The following PRPSAP1 variants were observed in gnomAD, a reference collection of about 807,000 sequenced individuals.
PRPSAP1 encodes the protein phosphoribosyl pyrophosphate synthetase associated protein 1.
In PRPSAP1, 31 loss-of-function variants were observed where a neutral mutation model predicts 39.4. The observed-to-expected ratio is 0.79, with a 90% CI of 0.59 to 1.06. PRPSAP1 has a LOEUF of 1.06. Among genes scored for constraint, PRPSAP1 ranks in the 50% least tolerant of loss-of-function variants. The probability of loss-of-function intolerance (pLI) is 0.00; values close to 1 mark genes in which losing one functional copy is unlikely to be tolerated. For missense variants in PRPSAP1, 430 were observed against 511.6 expected, an observed-to-expected ratio of 0.84 and a Z score of 1.54; for synonymous variants, 212 against 192.6, an observed-to-expected ratio of 1.10 and a Z score of -0.83.
At chr17:76,328,689 T>C (rs189171018) in intron 7 of PRPSAP1, 28 bp downstream of exon 7, 88 of 1,595,346 alleles carry the variant, frequency 5.5e-5, no homozygotes, top group Admixed American at 4.1e-4. Context: ...AATTTACAAA[T>C]AAAATAAAAA....
chr17:76,348,828 G>A (rs577315820), intron 1 of PRPSAP1, among the ~76,000 whole-genome samples: 1 of 152,190 alleles, frequency 6.6e-6, no homozygotes, highest in African/African-American at 2.4e-5. Context: ...GGTGCGCGTT[G>A]TTCTTTGAAT....
intron 7 of PRPSAP1, among the ~76,000 whole-genome samples, chr17:76,323,186 AC>A (rs2071215543): frequency 6.7e-6 from 1 of 149,738 alleles, no homozygotes; most frequent in Non-Finnish European, 1.5e-5. Flanking sequence ...TATTAAAAAT[AC>A]AAAAATTAGC....
intron 3 of PRPSAP1, among the ~76,000 whole-genome samples, chr17:76,344,134 T>G (rs999994122): frequency 4.0e-5 from 6 of 151,606 alleles, no homozygotes; most frequent in African/African-American, 1.5e-4. Context: ...TTCATTTATT[T>G]TGTTTTTTTT....
chr17:76,314,213 T>TATGC (rs2071097734), intron 7 of PRPSAP1: 1 of 289,324 alleles, frequency 3.5e-6, no homozygotes, highest in African/African-American at 2.3e-5. Context: ...TGTATGTATG[T>TATGC]ATGTATGTAT....
At chr17:76,353,926 G>A (rs2071614647), upstream of PRPSAP1, 3 of 1,321,554 alleles carry the variant, frequency 2.3e-6, no homozygotes, top group Non-Finnish European at 2.9e-6. Flanking sequence ...CAAGGCCACC[G>A]CCCCCTCCGG....
rs189260351 is a variant in PRPSAP1 at position 76,348,502 on chromosome 17, T to A, written c.223+27A>T. The A allele has an allele frequency of 1.2e-3, 1,587 of 1,339,466 alleles. 3 individuals are homozygous for A. Among genetic ancestry groups the A allele is most frequent in the South Asian group, 3.5e-3 (174 of 49,872 alleles). The allele number at this position is 1,339,466 out of a possible 1,614,324, so 83.0% of individuals were successfully genotyped here. On this transcript the variant is annotated intron_variant, in intron 2 of 9. Transcript: ENST00000446526. ...AAACTAAATAAATAAAAAATAATTTTAAAAAAAAGAAATAATTTTAACTTA... is the reference window on the plus strand; with the variant it reads ...AAACTAAATAAATAAAAAATAATTTAAAAAAAAAGAAATAATTTTAACTTA...
chr17:76,327,179 C>A (rs1327898441), intron 7 of PRPSAP1, among the ~76,000 whole-genome samples: 1 of 151,124 alleles, frequency 6.6e-6, no homozygotes, highest in East Asian at 1.9e-4. Context: ...AAAACCCTGT[C>A]TCTACTAAAA....
intron 1 of PRPSAP1, among the ~76,000 whole-genome samples, chr17:76,350,538 G>T (rs933495901): frequency 1.3e-5 from 2 of 152,170 alleles, no homozygotes; most frequent in African/African-American, 4.8e-5. Context: ...CAAACGCTAT[G>T]ATTCTATTTG....
At chr17:76,353,486 G>C (rs924960712) in intron 1 of PRPSAP1, 48 bp downstream of exon 1, 2 of 1,451,370 alleles carry the variant, frequency 1.4e-6, no homozygotes, top group East Asian at 3.0e-5. Flanking sequence ...GCGCGAAGGA[G>C]AGCTAGGCGC....
intron 2 of PRPSAP1, among the ~76,000 whole-genome samples, 155 bp downstream of exon 2, chr17:76,348,374 G>A (rs1360676848): frequency 6.6e-6 from 1 of 151,704 alleles, no homozygotes; most frequent in Non-Finnish European, 1.5e-5. Flanking sequence ...TCAGCAGGCT[G>A]AGGCAGGAGA....
chr17:76,343,199 ATTTT>A (rs2071458875), intron 3 of PRPSAP1, among the ~76,000 whole-genome samples: 1 of 152,206 alleles, frequency 6.6e-6, no homozygotes, highest in South Asian at 2.1e-4. Context: ...GAAGGTCTGG[ATTTT>A]TCAGAGACAC....
Position 76,348,515 on chromosome 17 carries a change from T to G in PRPSAP1, c.223+14A>C. On this transcript the variant is annotated intron_variant, in intron 2 of 9. Transcript: ENST00000446526. ...AAAAAATAATTTTAAAAAAAAGAAA[T>G]AATTTTAACTTACCTCCATTGGTCT... The G allele has an allele frequency of 1.4e-6, 2 of 1,406,170 alleles. No individual in the cohort carries two copies. The highest frequency in any genetic ancestry group is 1.9e-6 in the Non-Finnish European group (2 of 1,075,494). The allele number at this position is 1,406,170 out of a possible 1,614,324, so 87.1% of individuals were successfully genotyped here. A position where few individuals can be genotyped will look rare whatever the true frequency, so the allele number is the denominator to read the frequency against.
chr17:76,332,740 C>G lies in PRPSAP1; in HGVS notation c.291-305G>C, dbSNP rs77644483. Among the ~76,000 whole-genome samples the G allele has an allele frequency of 5.4e-3, 822 of 152,294 alleles. 8 individuals are homozygous for G. Among genetic ancestry groups the G allele is most frequent in the Non-Finnish European group, 9.4e-3 (638 of 68,026 alleles). ...GACATCTGAAGCAACTGCTGGTGAC[C>G]AGAGTTACCCAACACCTGCTGGCAG... On this transcript the variant is annotated intron_variant, in intron 3 of 9. Coordinates refer to ENST00000446526, the MANE Select transcript of PRPSAP1 (RefSeq NM_002766.3).
intron 3 of PRPSAP1, among the ~76,000 whole-genome samples, chr17:76,335,717 T>C (rs1567805469): frequency 2.6e-5 from 4 of 152,206 alleles, no homozygotes; most frequent in Admixed American, 2.6e-4. Flanking sequence ...CCAAGTGCAG[T>C]AGTTTATGCT....
At chr17:76,325,853 G>A (rs552805531) in intron 7 of PRPSAP1, among the ~76,000 whole-genome samples, 13 of 152,040 alleles carry the variant, frequency 8.6e-5, no homozygotes, top group South Asian at 8.3e-4. Context: ...TGATCTGCCC[G>A]CCTCAGCCTC....
upstream of PRPSAP1, chr17:76,353,944 A>C (rs910617125): frequency 5.4e-5 from 71 of 1,314,014 alleles, no homozygotes; most frequent in African/African-American, 9.0e-4. Context: ...CGGGCATCCG[A>C]AGAGCGTCGG....
chr17:76,321,398 T>C (rs1277654318), intron 7 of PRPSAP1, among the ~76,000 whole-genome samples: 2 of 151,750 alleles, frequency 1.3e-5, no homozygotes, highest in African/African-American at 4.8e-5. Flanking sequence ...TTACTAAAAA[T>C]ACAAAAATTA....
intron 1 of PRPSAP1, 155 bp downstream of exon 1, chr17:76,353,379 T>G: frequency 1.4e-6 from 1 of 703,420 alleles, no homozygotes; most frequent in Non-Finnish European, 2.1e-6. Flanking sequence ...CGGGGGGCGG[T>G]ATCCGTCACC....
rs559771497 is a variant in PRPSAP1 at position 76,341,164 on chromosome 17, AG to A, written c.290+3506del. Among the ~76,000 whole-genome samples the A allele has an allele frequency of 2.0e-5, 3 of 151,960 alleles. No homozygotes were observed. The East Asian group carries it at 5.8e-4, about 29-fold the overall frequency. ...CCAACTCAGTTCAGTCTTTTCCTGG[AG>A]AAGTCCAACTCAAATTCCAGATTAC... On this transcript the variant is annotated intron_variant, in intron 3 of 9. Transcript: ENST00000446526.
Sources: allele counts gnomAD v4.1 joint callset (sites outside exome capture counted in the v4.1 genomes callset), GRCh38; gene constraint gnomAD v4.1.1; transcripts MANE v1.5; gene names NCBI Gene and HGNC (gene_info 2026-07-23, HGNC 2026-07-21).